Variants in PZP observed in about 807,000 individuals in gnomAD.
PZP encodes the protein pregnancy zone protein.
In PZP, 150 loss-of-function variants were observed where a neutral mutation model predicts 179.8. The ratio of observed to expected loss-of-function variants is 0.83; its 90% CI spans 0.73 to 0.96. The LOEUF is 0.96. PZP is among the 40% of genes least tolerant of loss of function. The pLI, the probability that PZP is intolerant of heterozygous loss-of-function variation, is 0.00. For missense variants in PZP, 1,689 were observed against 1,764.0 expected (o/e 0.96, Z 0.76); for synonymous variants, 624 against 652.3 (o/e 0.96, Z 0.66).
At chr12:9,192,764 A>G in intron 11 of PZP, 25 bp from the exon 12 acceptor site, 1 of 1,493,692 alleles carries the variant, frequency 6.7e-7, no homozygotes, top group South Asian at 1.1e-5. Context: ...AAGCAAAGAA[A>G]GAATACTGTC....
chr12:9,195,736 G>A lies in PZP; in HGVS notation c.1092+594C>T, dbSNP rs181180542. Among the ~76,000 whole-genome samples the A allele has an allele frequency of 2.1e-3, 308 of 148,220 alleles. 2 individuals carry two copies. Among genetic ancestry groups the A allele is most frequent in the African/African-American group, 7.3e-3 (295 of 40,316 alleles). On this transcript the variant is annotated intron_variant, in intron 10 of 35. Transcript: ENST00000261336. ...CCCAAAGTTCTGGGATTATAAGCAT[G>A]AGCCACTATGCCTGGCCAAATGTCT...
downstream of PZP, among the ~76,000 whole-genome samples, chr12:9,144,165 AAG>A (rs375691030): frequency 2.2e-3 from 322 of 147,580 alleles, no homozygotes; most frequent in Non-Finnish European, 2.3e-3. Flanking sequence ...CCACATGAGG[AAG>A]AGAGAGAGAG....
At chr12:9,153,080 G>A in intron 30 of PZP, 45 bp downstream of exon 30, 1 of 1,606,846 alleles carries the variant, frequency 6.2e-7, no homozygotes, top group Non-Finnish European at 8.5e-7. Context: ...ATTTCAATTG[G>A]CAAGTTTAAA....
chr12:9,196,301 G>C (rs1372020960), intron 10 of PZP, 29 bp downstream of exon 10: 1 of 1,490,478 alleles, frequency 6.7e-7, no homozygotes, highest in African/African-American at 1.4e-5. Flanking sequence ...TGGATACTTT[G>C]CTTACCTGTG....
In PZP at chr12:9,157,264, G is replaced by A; in HGVS notation, c.3461C>T (p.Ala1154Val). The A allele has an allele frequency of 6.2e-7, 1 of 1,614,140 alleles. No homozygotes were observed. The highest frequency in any genetic ancestry group is 8.5e-7 in the Non-Finnish European group (1 of 1,180,006). Residue 1154 changes from alanine (A) to valine (V), a missense_variant, in exon 28 of 36, where the codon GCA becomes GTA. Physicochemically the swap from Ala to Val is moderately conservative, Grantham distance 64. This residue lies in a region of PZP where 746 missense variants were observed against 749.2 expected (regional missense o/e 1.00). Transcript: ENST00000261336. The part of the protein sequence containing the change: ...GTHGSHVYTK[A>V]LLAYAFSLLG... Reference sequence around the variant, plus strand: ...TAGGGAAAAAGCATAGGCCAGCAATGCCTTGGTGTAGACATGGCTCCCATG... The same window carrying A: ...TAGGGAAAAAGCATAGGCCAGCAATACCTTGGTGTAGACATGGCTCCCATG...
intron 4 of PZP, among the ~76,000 whole-genome samples, chr12:9,202,109 T>G (rs1422895726): frequency 6.6e-6 from 1 of 152,196 alleles, no homozygotes; most frequent in African/African-American, 2.4e-5. Context: ...ATTGCCAGAC[T>G]GATTAAATAC....
chr12:9,144,569 A>G (rs893246258), downstream of PZP, among the ~76,000 whole-genome samples: 3 of 152,070 alleles, frequency 2.0e-5, no homozygotes, highest in Non-Finnish European at 4.4e-5. Context: ...TCAACAGTCA[A>G]AGACAGGTTT....
At position 9,168,959 on chromosome 12, in the gene PZP, C is replaced by G; in HGVS notation, c.2017G>C (p.Val673Leu). 1.2e-6 allele frequency: 2 copies of G among 1,613,176 alleles called. No homozygotes were observed. The highest frequency in any genetic ancestry group is 1.7e-6 in the Non-Finnish European group (2 of 1,179,204). ...YSFLKGMGLK[V>L]FTNSKIRKPK... Reference sequence around the variant, plus strand: ...TTTCGGATTTTTGAGTTAGTGAACACCTTCAATCCCATCCCCTGGAAAAAA... The same window carrying G: ...TTTCGGATTTTTGAGTTAGTGAACAGCTTCAATCCCATCCCCTGGAAAAAA... The change falls in exon 17 of 36, where the codon GTG becomes CTG. Residue 673 changes from valine to leucine, a missense_variant. Val to Leu is a conservative substitution (Grantham distance 32). Transcript: ENST00000261336.
Position 9,148,895 on chromosome 12 carries a change from A to C in PZP, c.*77T>G. The stretch of plus-strand genomic sequence containing the variant: ...CAAATATTTTTAGTGTCTATTTTAT[A>C]GAGACAAATAACTCCATTCCTTCTA... On this transcript the variant is annotated 3_prime_UTR_variant, in exon 36 of 36. Coordinates refer to ENST00000261336, the MANE Select transcript of PZP (RefSeq NM_002864.3). 4 of 1,293,526 alleles carry C rather than the reference A, an allele frequency of 3.1e-6. No homozygotes were observed. The highest frequency in any genetic ancestry group is 4.4e-6 in the Non-Finnish European group (4 of 903,852). The allele number at this position is 1,293,526 out of a possible 1,614,324, so 80.1% of individuals were successfully genotyped here. A position where few individuals can be genotyped will look rare whatever the true frequency, so the allele number is the denominator to read the frequency against.
intron 15 of PZP, among the ~76,000 whole-genome samples, chr12:9,180,171 A>G (rs1190178380): frequency 6.6e-6 from 1 of 152,134 alleles, no homozygotes; most frequent in African/African-American, 2.4e-5. Flanking sequence ...TTTAGGGTAC[A>G]TGTGCACATT....
At chr12:9,200,582 A>C in intron 6 of PZP, 134 bp from the exon 7 acceptor site, 1 of 745,662 alleles carries the variant, frequency 1.3e-6, no homozygotes, top group Non-Finnish European at 2.2e-6. Context: ...TATCAACTTT[A>C]AGATGGTAAG....
chr12:9,149,424 G>C, intron 35 of PZP, 137 bp downstream of exon 35: 2 of 813,372 alleles, frequency 2.5e-6, no homozygotes, highest in Non-Finnish European at 3.8e-6. Context: ...CTACGCCACA[G>C]TTTTGTCTTG....
At chr12:9,136,476 TTCTTA>T in the PZP span, among the ~76,000 whole-genome samples, 5 of 152,332 alleles carry the variant, frequency 3.3e-5, no homozygotes, top group South Asian at 1.0e-3. Flanking sequence ...AATAAATTGT[TTCTTA>T]TCTTGGCATT....
At chr12:9,201,515 G>A (rs1252334866) in intron 4 of PZP, among the ~76,000 whole-genome samples, 168 bp from the exon 5 acceptor site, 1 of 152,086 alleles carries the variant, frequency 6.6e-6, no homozygotes, top group Non-Finnish European at 1.5e-5. Flanking sequence ...ATAGTTCTAG[G>A]ATGAGCATAC....
At chr12:9,162,437 G>A in intron 22 of PZP, 160 bp downstream of exon 22, 1 of 606,040 alleles carries the variant, frequency 1.7e-6, no homozygotes, top group Non-Finnish European at 2.9e-6. Flanking sequence ...TGGGCTCAAT[G>A]TCTTCATCTG....
At chr12:9,164,968 T>A (rs1941482194) in intron 19 of PZP, among the ~76,000 whole-genome samples, 171 bp downstream of exon 19, 2 of 152,212 alleles carry the variant, frequency 1.3e-5, no homozygotes, top group African/African-American at 2.4e-5. Context: ...AGCACATATA[T>A]CATTGTATTA....
Position 9,153,132 on chromosome 12 carries a change from TAC to T in PZP, c.3984_3985del (p.Tyr1329SerfsTer59). On this transcript the variant is annotated frameshift_variant, in exon 30 of 36. Transcript: ENST00000261336. LOFTEE classifies it high-confidence loss of function. ...ATAAGCTTGGAGCCCTACCTGAAGA[TAC>T]ACACATCTTTCCCCAGTTACTGTTA... 1 of 1,614,034 alleles carries T rather than the reference TAC, an allele frequency of 6.2e-7. No homozygotes were observed. Among genetic ancestry groups the T allele is most frequent in the Non-Finnish European group, 8.5e-7 (1 of 1,179,888 alleles).
Position 9,160,305 on chromosome 12 carries a change from C to T in PZP, c.3049+9G>A, listed in dbSNP as rs985737981. On this transcript the variant is annotated intron_variant, in intron 24 of 35. Transcript: ENST00000261336. ...AGTAACAAAGTAAATTTTTCTCTGT[C>T]TCACTTACCAGTGATGAGATAGCCA... is the stretch of plus-strand genomic sequence containing the variant. 2 of 1,591,048 alleles carry T rather than the reference C, an allele frequency of 1.3e-6. No homozygotes were observed. Among genetic ancestry groups the T allele is most frequent in the African/African-American group, 1.4e-5 (1 of 73,728 alleles).
chr12:9,157,663 C>T, intron 27 of PZP, 104 bp downstream of exon 27: 1 of 1,049,478 alleles, frequency 9.5e-7, no homozygotes. Flanking sequence ...AATCCCTCAT[C>T]ATTGAACCAA....
Sources: allele counts gnomAD v4.1 joint callset (sites outside exome capture counted in the v4.1 genomes callset), GRCh38; gene constraint gnomAD v4.1.1; regional missense constraint gnomAD v4.1.1; transcripts MANE v1.5; gene names NCBI Gene and HGNC (gene_info 2026-07-23, HGNC 2026-07-21).